The following MDFIC2 variants were observed in gnomAD, a reference collection of about 807,000 sequenced individuals.
MDFIC2 encodes the protein myoD family inhibitor domain-containing protein 2.
At chr3:70,224,822 T>C (rs183397109) in intron 2 of MDFIC2, among the ~76,000 whole-genome samples, 4 of 152,168 alleles carry the variant, frequency 2.6e-5, no homozygotes, top group East Asian at 1.9e-4. Context: ...ATTTTTGCAG[T>C]TTCCCCCCCC....
rs560597363 is a variant in MDFIC2, at chr3:70,288,888, C to G, written c.88+22998G>C. 2.6e-5 allele frequency among the ~76,000 whole-genome samples: 4 copies of G among 151,364 alleles called. No individual in the cohort carries two copies. In the South Asian group the frequency reaches 8.4e-4, roughly 32 times the overall value. On this transcript the variant is annotated intron_variant, in intron 2 of 3. Transcript: ENST00000567252. ...CAGAGACTAGGATTGCAACCCCTGC[C>G]TTTTTTTGTTTTCCATTTGCTTGGT...
intron 2 of MDFIC2, among the ~76,000 whole-genome samples, chr3:70,209,640 G>C (rs1218763524): frequency 2.0e-5 from 3 of 152,032 alleles, no homozygotes; most frequent in Non-Finnish European, 2.9e-5. Flanking sequence ...ATCTAGGCCT[G>C]GTAGATTCCA....
At chr3:70,281,981 TG>T (rs1395583096) in intron 2 of MDFIC2, among the ~76,000 whole-genome samples, 3 of 152,182 alleles carry the variant, frequency 2.0e-5, no homozygotes, top group Non-Finnish European at 4.4e-5. Context: ...TGGCTTAGGA[TG>T]GAAGTCCACC....
At chr3:70,294,826 A>C (rs1702274560) in intron 2 of MDFIC2, among the ~76,000 whole-genome samples, 1 of 152,140 alleles carries the variant, frequency 6.6e-6, no homozygotes, top group African/African-American at 2.4e-5. Flanking sequence ...ATGGTTTCCC[A>C]AGTTTCAAGC....
At chr3:70,305,081 A>G (rs1702386891) in intron 2 of MDFIC2, among the ~76,000 whole-genome samples, 1 of 152,136 alleles carries the variant, frequency 6.6e-6, no homozygotes. Context: ...TTGACCACTG[A>G]TTCTAAAGGA....
Position 70,226,388 on chromosome 3 carries a change from G to T in MDFIC2, c.89-19598C>A, listed in dbSNP as rs367545621. Among the ~76,000 whole-genome samples, 18 of 152,260 alleles carry T rather than the reference G, an allele frequency of 1.2e-4. No individual in the cohort carries two copies. In the East Asian group the frequency reaches 1.9e-3, roughly 16 times the overall value. On this transcript the variant is annotated intron_variant, in intron 2 of 3. Coordinates refer to ENST00000567252, the MANE Select transcript of MDFIC2 (RefSeq NM_001364677.1). ...GCAAAGCCCAGGAATTTCCTATTCT[G>T]TTGGGTATAATATGCAGAAGGGTGT...
At chr3:70,246,911 A>G in intron 2 of MDFIC2, among the ~76,000 whole-genome samples, 1 of 152,088 alleles carries the variant, frequency 6.6e-6, no homozygotes, top group East Asian at 1.9e-4. Flanking sequence ...TTATATTTAG[A>G]CATGACTCTT....
chr3:70,202,566 C>T (rs146703559), intron 3 of MDFIC2, among the ~76,000 whole-genome samples: 2 of 152,292 alleles, frequency 1.3e-5, no homozygotes, highest in East Asian at 3.9e-4. Flanking sequence ...CTAATCACTG[C>T]TATTGAAGTG....
At chr3:70,241,200 C>T (rs1701665192) in intron 2 of MDFIC2, among the ~76,000 whole-genome samples, 1 of 152,100 alleles carries the variant, frequency 6.6e-6, no homozygotes, top group South Asian at 2.1e-4. Flanking sequence ...AACGGTTCCT[C>T]ATAAATATTG....
chr3:70,297,571 A>G (rs1030457510), intron 2 of MDFIC2, among the ~76,000 whole-genome samples: 1 of 152,078 alleles, frequency 6.6e-6, no homozygotes, highest in Non-Finnish European at 1.5e-5. Context: ...AGCAATATGT[A>G]TATTTGTGTT....
At chr3:70,220,454 C>CT (rs982643973) in intron 2 of MDFIC2, among the ~76,000 whole-genome samples, 17 of 152,122 alleles carry the variant, frequency 1.1e-4, no homozygotes, top group African/African-American at 3.4e-4. Flanking sequence ...AAAAAAATTA[C>CT]TTCAAGTTAT....
chr3:70,244,578 TTGAC>T (rs1701689280), intron 2 of MDFIC2, among the ~76,000 whole-genome samples: 1 of 152,184 alleles, frequency 6.6e-6, no homozygotes, highest in Admixed American at 6.5e-5. Context: ...AGAGACAAGA[TTGAC>T]TGGTGAATAA....
intron 2 of MDFIC2, among the ~76,000 whole-genome samples, chr3:70,212,524 T>C (rs1701361611): frequency 6.6e-6 from 1 of 152,112 alleles, no homozygotes; most frequent in South Asian, 2.1e-4. Flanking sequence ...ACTAAACATC[T>C]CTCAAGTCCG....
intron 2 of MDFIC2, among the ~76,000 whole-genome samples, chr3:70,254,251 T>C (rs906821078): frequency 2.6e-5 from 4 of 152,182 alleles, no homozygotes; most frequent in Admixed American, 1.3e-4. Flanking sequence ...TTAAGTTTAA[T>C]GGATAAATTA....
At position 70,276,916 on chromosome 3, in the gene MDFIC2, C is replaced by T. The variant is rs1405700244; in HGVS notation, c.88+34970G>A. Among the ~76,000 whole-genome samples the T allele has an allele frequency of 2.3e-4, 35 of 152,252 alleles. 1 individual carries two copies. The South Asian group carries it at 6.2e-3, about 27-fold the overall frequency. On this transcript the variant is annotated intron_variant, in intron 2 of 3. Transcript: ENST00000567252. ...GAAAGTTTATGTTCTCAACTGTAAT[C>T]AGTGAGAAATCCTCACATTAATAAA...
At chr3:70,201,935 C>A (rs1437192207) in intron 3 of MDFIC2, among the ~76,000 whole-genome samples, 1 of 152,192 alleles carries the variant, frequency 6.6e-6, no homozygotes, top group African/African-American at 2.4e-5. Context: ...TGCTTCTCCT[C>A]CTGCTCTTTG....
chr3:70,298,391 C>T (rs974476589), intron 2 of MDFIC2, among the ~76,000 whole-genome samples: 1 of 152,014 alleles, frequency 6.6e-6, no homozygotes, highest in Non-Finnish European at 1.5e-5. Context: ...CCAACATCAA[C>T]GGGAAGATAT....
chr3:70,197,004 G>A lies in MDFIC2; in HGVS notation c.492C>T (p.Cys164=). 2.5e-6 allele frequency: 1 copy of A among 398,596 alleles called. No homozygotes were observed. Among genetic ancestry groups the A allele is most frequent in the Non-Finnish European group, 4.4e-6 (1 of 226,050 alleles). 24.7% of individuals were successfully genotyped at this position (398,596 alleles called of 1,614,324 possible). ...TCTCATGGCAAGATTCAAAAAGGCT[G>A]CAGTCCATGTCACAATTGCAGCTGC... The part of the protein sequence containing the change: ...NDCSCNCDMD[C]SLFESCHETS... The change falls in exon 4 of 4, where the codon TGC becomes TGT. Residue 164 remains cysteine (C), a synonymous_variant. Transcript: ENST00000567252.
intron 2 of MDFIC2, among the ~76,000 whole-genome samples, chr3:70,296,783 C>CA (rs2106698175): frequency 6.6e-6 from 1 of 152,194 alleles, no homozygotes; most frequent in East Asian, 1.9e-4. Flanking sequence ...AGCTTTCTTC[C>CA]AATCTGCTTT....
Sources: gnomAD v4.1 joint callset for allele counts (sites outside exome capture counted in the v4.1 genomes callset) on GRCh38, gnomAD v4.1.1 for gene constraint, MANE v1.5 for transcripts, NCBI Gene and HGNC (gene_info 2026-07-23, HGNC 2026-07-21) for gene names.